The following NFASC variants were observed in gnomAD, a reference collection of about 807,000 sequenced individuals.
NFASC encodes neurofascin homolog.
In NFASC, 43 loss-of-function variants were observed where a neutral mutation model predicts 147.5. That is an observed-to-expected ratio of 0.29 (90% CI 0.23 to 0.38). The LOEUF (loss-of-function observed/expected upper bound fraction) is 0.38, where lower values mean the gene tolerates loss of function less well. NFASC is among the 10% of genes least tolerant of loss of function. NFASC has a pLI of 1.00. For synonymous variants in NFASC, 622 were observed against 665.5 expected (o/e 0.93, Z 1.01); for missense variants, 1,320 against 1,689.0 (o/e 0.78, Z 3.83).
intron 1 of NFASC, among the ~76,000 whole-genome samples, chr1:204,895,544 A>T (rs2149101433): frequency 6.6e-6 from 1 of 152,274 alleles, no homozygotes; most frequent in East Asian, 1.9e-4. Flanking sequence ...TTTGCTGATG[A>T]CCATGTATGT....
Position 204,834,657 on chromosome 1 carries a change from A to T in NFASC, c.-200+5875A>T, listed in dbSNP as rs566633057. 7.2e-5 allele frequency among the ~76,000 whole-genome samples: 11 copies of T among 152,134 alleles called. No individual in the cohort carries two copies. The East Asian group carries it at 1.9e-3, about 27-fold the overall frequency. ...TTTTGAGATCCAGAAAGAAGGCCCCAATCTGTTCTAATGAATTTAATTAGA... is the reference window on the plus strand; with the variant it reads ...TTTTGAGATCCAGAAAGAAGGCCCCTATCTGTTCTAATGAATTTAATTAGA... On this transcript the variant is annotated intron_variant, in intron 1 of 29. Coordinates refer to ENST00000339876, the MANE Select transcript of NFASC (RefSeq NM_001005388.3).
At chr1:204,898,148 G>T (rs1298110906) in intron 1 of NFASC, among the ~76,000 whole-genome samples, 1 of 152,206 alleles carries the variant, frequency 6.6e-6, no homozygotes, top group African/African-American at 2.4e-5. Flanking sequence ...CACCCAGAGT[G>T]CTGGGATTAC....
chr1:204,862,468 G>C (rs1274138473), intron 1 of NFASC, among the ~76,000 whole-genome samples: 1 of 152,182 alleles, frequency 6.6e-6, no homozygotes, highest in Non-Finnish European at 1.5e-5. Context: ...CAGCTGGAAG[G>C]CTTTATAGGC....
intron 2 of NFASC, among the ~76,000 whole-genome samples, chr1:204,930,091 G>A (rs2092215867): frequency 6.6e-6 from 1 of 152,176 alleles, no homozygotes; most frequent in African/African-American, 2.4e-5. Flanking sequence ...CCAAGCCAGA[G>A]CCTCAGGATG....
rs951676095 is a variant in NFASC, at chr1:204,883,162, G to A, written c.-199-37470G>A. 5.3e-5 allele frequency among the ~76,000 whole-genome samples: 8 copies of A among 152,268 alleles called. No individual in the cohort carries two copies. In the South Asian group the frequency reaches 1.0e-3, roughly 20 times the overall value. On this transcript the variant is annotated intron_variant, in intron 1 of 29. Transcript: ENST00000339876. Reference sequence around the variant, plus strand: ...AGGATAGAATGGCACTGGATGACTCGCACTGGGAGCCCAGCTTATGTGAAT... The same window carrying A: ...AGGATAGAATGGCACTGGATGACTCACACTGGGAGCCCAGCTTATGTGAAT...
At chr1:204,966,646 C>T (rs2094964306) in intron 8 of NFASC, among the ~76,000 whole-genome samples, 2 of 152,152 alleles carry the variant, frequency 1.3e-5, no homozygotes, top group South Asian at 4.1e-4. Flanking sequence ...TCAGTAGTCA[C>T]TGTTGTAATG....
rs2096366065 is a variant in NFASC, at chr1:205,016,792, T to G, written c.*253T>G. 3.5e-6 allele frequency: 2 copies of G among 563,780 alleles called. No individual in the cohort carries two copies. Among genetic ancestry groups the G allele is most frequent in the South Asian group, 3.6e-5 (2 of 55,376 alleles). 34.9% of individuals were successfully genotyped at this position (563,780 alleles called of 1,614,324 possible). On this transcript the variant is annotated 3_prime_UTR_variant, in exon 30 of 30. Transcript: ENST00000339876. The surrounding 1 kb of genome is among the most constrained non-coding windows in gnomAD (Gnocchi z 5.1). Reference sequence around the variant, plus strand: ...TGGCTGAGCTCAGCTGGAGGGAGCCTGGCCCCTTGCCCGGTCTCGCAGCCA... The same window carrying G: ...TGGCTGAGCTCAGCTGGAGGGAGCCGGGCCCCTTGCCCGGTCTCGCAGCCA...
chr1:204,967,825 C>A (rs1239551072), intron 8 of NFASC: 1 of 169,260 alleles, frequency 5.9e-6, no homozygotes, highest in East Asian at 1.7e-4. Flanking sequence ...GGACCCAGTA[C>A]ATGCCTTCTC....
At chr1:205,007,401 G>C (rs1238417608) in intron 27 of NFASC, among the ~76,000 whole-genome samples, 1 of 145,776 alleles carries the variant, frequency 6.9e-6, no homozygotes, top group African/African-American at 2.6e-5. Context: ...GTCTCAGAAA[G>C]AGAAGAGAAG....
intron 1 of NFASC, among the ~76,000 whole-genome samples, chr1:204,891,290 C>T (rs2082338763): frequency 6.6e-6 from 1 of 152,166 alleles, no homozygotes; most frequent in South Asian, 2.1e-4. Context: ...TGGTCTCAAA[C>T]CCAACCAGTG....
chr1:204,900,380 G>C (rs1465446600), intron 1 of NFASC, among the ~76,000 whole-genome samples: 1 of 152,220 alleles, frequency 6.6e-6, no homozygotes, highest in African/African-American at 2.4e-5. Context: ...AATTCCAAGT[G>C]CTGGGAGCTT....
intron 3 of NFASC, 81 bp from the exon 4 acceptor site, chr1:204,950,473 GGGC>G: frequency 1.6e-6 from 2 of 1,270,822 alleles, no homozygotes; most frequent in Middle Eastern, 3.7e-4. Context: ...CTGTGTGCTG[GGGC>G]GTGAGGATGC....
At chr1:204,921,074 C>T (rs898471665) in intron 2 of NFASC, among the ~76,000 whole-genome samples, 4 of 152,224 alleles carry the variant, frequency 2.6e-5, no homozygotes, top group East Asian at 3.8e-4. Flanking sequence ...TACTTAGTCT[C>T]GGCCTCTACA....
At chr1:204,844,139 G>A (rs1029317235) in intron 1 of NFASC, among the ~76,000 whole-genome samples, 2 of 152,202 alleles carry the variant, frequency 1.3e-5, no homozygotes, top group African/African-American at 4.8e-5. Context: ...GAACCACACT[G>A]CCTGGGTTTC....
At position 204,954,425 on chromosome 1, in the gene NFASC, G is replaced by A. The variant is rs780331595; in HGVS notation, c.412+41G>A. The A allele has an allele frequency of 1.8e-5, 29 of 1,587,844 alleles. No individual in the cohort carries two copies. In the Admixed American group the frequency reaches 4.1e-4, roughly 23 times the overall value. On this transcript the variant is annotated intron_variant, in intron 6 of 29. Coordinates refer to ENST00000339876, the MANE Select transcript of NFASC (RefSeq NM_001005388.3). The surrounding 1 kb of genome is among the most constrained non-coding windows in gnomAD (Gnocchi z 5.7). ...CAGGGCTGAAATGCCCTGCTCCTGG[G>A]TAAATGGAGAGTGGGGGGTGTGGAA...
chr1:204,972,684 T>G (rs1198252154), intron 11 of NFASC, among the ~76,000 whole-genome samples: 1 of 152,250 alleles, frequency 6.6e-6, no homozygotes, highest in Non-Finnish European at 1.5e-5. Flanking sequence ...GGTTTAACTT[T>G]ATGAATGTTT....
chr1:204,849,598 A>G (rs959311432), intron 1 of NFASC, among the ~76,000 whole-genome samples: 5 of 152,112 alleles, frequency 3.3e-5, no homozygotes, highest in Admixed American at 6.5e-5. Flanking sequence ...CTCATTTTGC[A>G]AGTGGGGGCC....
intron 1 of NFASC, among the ~76,000 whole-genome samples, chr1:204,915,061 C>T (rs912947781): frequency 6.6e-6 from 1 of 152,076 alleles, no homozygotes; most frequent in Non-Finnish European, 1.5e-5. Flanking sequence ...AGGTGGATCA[C>T]GAGGTCAGGA....
At chr1:205,012,312 C>A (rs1272099673) in intron 28 of NFASC, among the ~76,000 whole-genome samples, 1 of 152,218 alleles carries the variant, frequency 6.6e-6, no homozygotes, top group Non-Finnish European at 1.5e-5. Context: ...TACGGCGTGT[C>A]TTCTCTGCTC....
Sources: gnomAD v4.1 joint callset for allele counts (sites outside exome capture counted in the v4.1 genomes callset) on GRCh38, gnomAD v4.1.1 for gene constraint, Gnocchi (gnomAD v3.1) non-coding constraint, MANE v1.5 for transcripts, NCBI Gene and HGNC (gene_info 2026-07-23, HGNC 2026-07-21) for gene names.